Variants in ACADSB observed in about 807,000 individuals in gnomAD.
ACADSB encodes short/branched chain specific acyl-CoA dehydrogenase, mitochondrial.
ACADSB carries 40 observed loss-of-function variants against 54.1 expected under a neutral mutation model. The observed-to-expected ratio is 0.74, with a 90% CI of 0.57 to 0.96. The LOEUF (loss-of-function observed/expected upper bound fraction) is 0.96. Among genes scored for constraint, ACADSB ranks in the 40% least tolerant of loss-of-function variants. ACADSB has a pLI of 0.00. For synonymous variants in ACADSB, 182 were observed against 182.8 expected (o/e 1.00, Z 0.03); for missense variants, 530 against 510.4 (o/e 1.04, Z -0.37).
chr10:123,031,132 T>G (rs1272197610), intron 1 of ACADSB, among the ~76,000 whole-genome samples: 1 of 152,242 alleles, frequency 6.6e-6, no homozygotes, highest in African/African-American at 2.4e-5. Flanking sequence ...TAAAAGTATC[T>G]GTAATTTCTT....
chr10:123,010,355 A>G (rs1048794103), intron 1 of ACADSB, among the ~76,000 whole-genome samples: 4 of 152,220 alleles, frequency 2.6e-5, no homozygotes, highest in African/African-American at 7.2e-5. Context: ...CTTAACCTTC[A>G]TATACTACTG....
intron 1 of ACADSB, among the ~76,000 whole-genome samples, chr10:123,026,282 G>A (rs1850250498): frequency 6.6e-6 from 1 of 152,086 alleles, no homozygotes; most frequent in South Asian, 2.1e-4. Flanking sequence ...AACTTAAACC[G>A]AGCCTTCTGA....
chr10:123,013,649 C>T (rs893162376), intron 1 of ACADSB, among the ~76,000 whole-genome samples: 9 of 152,334 alleles, frequency 5.9e-5, no homozygotes, highest in East Asian at 1.9e-4. Context: ...GGGCCTGCCC[C>T]GCGGAGAGGC....
At chr10:123,013,998 C>T (rs1167272886) in intron 1 of ACADSB, among the ~76,000 whole-genome samples, 2 of 152,222 alleles carry the variant, frequency 1.3e-5, no homozygotes, top group Non-Finnish European at 2.9e-5. Context: ...CCAGAATGGG[C>T]GCCGAGGCCG....
At chr10:123,022,043 G>GAAA (rs141546719) in intron 1 of ACADSB, among the ~76,000 whole-genome samples, 61 of 151,974 alleles carry the variant, frequency 4.0e-4, no homozygotes, top group South Asian at 2.7e-3. Flanking sequence ...TTCAAGAAGA[G>GAAA]AAAAAAAATA....
At chr10:123,051,754 C>G (rs1480995722) in intron 9 of ACADSB, among the ~76,000 whole-genome samples, 1 of 152,184 alleles carries the variant, frequency 6.6e-6, no homozygotes, top group African/African-American at 2.4e-5. Flanking sequence ...TCAGCAGTAT[C>G]TTATTCATTC....
Position 123,053,121 on chromosome 10 carries a change from G to C in ACADSB, c.1189G>C (p.Asp397His). ...GATGGGGGGAGTAGGCTACACCAAA[G>C]ATTACCCTGTGGAGAAATACTTCCG... ...EWMGGVGYTK[D>H]YPVEKYFRDA... The change falls in exon 10 of 11, where the codon GAT becomes CAT. Residue 397 changes from aspartate to histidine, a missense_variant. Asp to His is a moderately conservative substitution (Grantham distance 81). Transcript: ENST00000358776. 1 of 1,613,922 alleles carries C rather than the reference G, an allele frequency of 6.2e-7. No individual in the cohort carries two copies. Among genetic ancestry groups the C allele is most frequent in the Non-Finnish European group, 8.5e-7 (1 of 1,179,918 alleles).
chr10:123,026,279 A>G (rs955342128), intron 1 of ACADSB, among the ~76,000 whole-genome samples: 2 of 152,198 alleles, frequency 1.3e-5, no homozygotes, highest in Admixed American at 1.3e-4. Flanking sequence ...TTAAACTTAA[A>G]CCGAGCCTTC....
intron 8 of ACADSB, among the ~76,000 whole-genome samples, chr10:123,050,377 A>G (rs991555780): frequency 1.6e-4 from 25 of 152,222 alleles, no homozygotes; most frequent in African/African-American, 5.3e-4. Flanking sequence ...GAGGTGCCCA[A>G]TAACTATCTG....
chr10:123,029,208 A>T (rs968055895), intron 1 of ACADSB, among the ~76,000 whole-genome samples: 2 of 152,064 alleles, frequency 1.3e-5, no homozygotes, highest in Non-Finnish European at 2.9e-5. Flanking sequence ...TTAGCTGGGC[A>T]TGGTGGCATA....
At chr10:123,025,347 C>T (rs2133465194) in intron 1 of ACADSB, among the ~76,000 whole-genome samples, 1 of 152,014 alleles carries the variant, frequency 6.6e-6, no homozygotes, top group Non-Finnish European at 1.5e-5. Context: ...ACGTATAGTC[C>T]CAGCTACTTG....
chr10:123,013,900 C>G (rs890057572), intron 1 of ACADSB, among the ~76,000 whole-genome samples: 10 of 152,360 alleles, frequency 6.6e-5, no homozygotes, highest in Middle Eastern at 3.4e-3. Flanking sequence ...CACCTCCCCG[C>G]AAGCCGAGGG....
chr10:123,034,322 G>A (rs1850367746), intron 1 of ACADSB, 34 bp from the exon 2 acceptor site: 10 of 1,603,846 alleles, frequency 6.2e-6, no homozygotes, highest in Non-Finnish European at 8.5e-6. Flanking sequence ...TGATATTCAA[G>A]TACCTTTCTT....
Position 123,051,080 on chromosome 10 carries a change from C to T in ACADSB, c.1022C>T (p.Thr341Ile). 6.2e-7 allele frequency: 1 copy of T among 1,611,948 alleles called. No individual in the cohort carries two copies. The highest frequency in any genetic ancestry group is 8.5e-7 in the Non-Finnish European group (1 of 1,179,798). The part of the protein sequence containing the change: ...GLQHQVAHVA[T>I]QLEAARLLTY... ...CAACACCAAGTGGCTCACGTGGCCA[C>T]CCAGCTGGAAGCTGCAAGATTACTA... The change falls in exon 9 of 11, where the codon ACC (threonine) becomes ATC (isoleucine). Residue 341 changes from threonine to isoleucine, a missense_variant. Thr to Ile is a moderately conservative substitution (Grantham distance 89). Coordinates refer to ENST00000358776, the MANE Select transcript of ACADSB (RefSeq NM_001609.4).
At position 123,058,290 on chromosome 10, in the gene ACADSB, A is replaced by G. The variant is rs1402787519; in HGVS notation, c.*4525A>G. The G allele has an allele frequency of 5.9e-5, 9 of 152,224 alleles. No homozygotes were observed. Among genetic ancestry groups the G allele is most frequent in the Admixed American group, 5.9e-4 (9 of 15,282 alleles). 9.4% of individuals were successfully genotyped at this position (152,224 alleles called of 1,614,324 possible). ...AAAAATAAAGGACTAAATTAACTGG[A>G]GATTTTTGGTACTCTTATAAAGCAA... On this transcript the variant is annotated 3_prime_UTR_variant, in exon 11 of 11. Coordinates refer to ENST00000358776, the MANE Select transcript of ACADSB (RefSeq NM_001609.4).
At chr10:123,053,671 TC>T in intron 10 of ACADSB, 23 bp from the exon 11 acceptor site, 2 of 1,599,688 alleles carry the variant, frequency 1.3e-6, no homozygotes, top group African/African-American at 2.7e-5. Flanking sequence ...TCCTCATTGT[TC>T]CTTCTGCTTC....
At chr10:123,040,973 A>G (rs902103805) in intron 4 of ACADSB, among the ~76,000 whole-genome samples, 2 of 152,222 alleles carry the variant, frequency 1.3e-5, no homozygotes. Flanking sequence ...TGCTGTAATT[A>G]TTCAAATCAA....
chr10:123,052,780 C>T lies in ACADSB; in HGVS notation c.1129-281C>T. On this transcript the variant is annotated intron_variant, in intron 9 of 10. Coordinates refer to ENST00000358776, the MANE Select transcript of ACADSB (RefSeq NM_001609.4). This position sits in a 1 kb window ranked among gnomAD's most constrained non-coding sequence, Gnocchi z 4.2. ...TGTCCCTTAGCTCGTCCGTTAGGCC[C>T]CCAGTAAACATTTCCTGAATAAATG... 1 of 422,286 alleles carries T rather than the reference C, an allele frequency of 2.4e-6. No individual in the cohort carries two copies. Among genetic ancestry groups the T allele is most frequent in the East Asian group, 5.3e-5 (1 of 19,032 alleles). The allele number at this position is 422,286 out of a possible 1,614,324, so 26.2% of individuals were successfully genotyped here.
At chr10:123,012,026 T>C (rs1287021312) in intron 1 of ACADSB, among the ~76,000 whole-genome samples, 1 of 151,978 alleles carries the variant, frequency 6.6e-6, no homozygotes, top group East Asian at 1.9e-4. Flanking sequence ...ATTTTTAAAG[T>C]GTTTTGTAGA....
Sources: allele counts gnomAD v4.1 joint callset (sites outside exome capture counted in the v4.1 genomes callset), GRCh38; gene constraint gnomAD v4.1.1; non-coding constraint Gnocchi (gnomAD v3.1); transcripts MANE v1.5; gene names NCBI Gene and HGNC (gene_info 2026-07-23, HGNC 2026-07-21).